MYOM2: variants seen among roughly 807,000 people sequenced by gnomAD.
MYOM2 encodes myomesin 2.
A neutral mutation model predicts 187.6 loss-of-function variants in MYOM2; 254 were observed. That is an observed-to-expected ratio of 1.35 (90% CI 1.22 to 1.50). The LOEUF (loss-of-function observed/expected upper bound fraction) is 1.50. MYOM2 is among the 40% of genes most tolerant of loss of function. The pLI is 0.00. For synonymous variants in MYOM2, 981 were observed against 753.8 expected (o/e 1.30, Z -4.94); for missense variants, 2,796 against 1,924.0 (o/e 1.45, Z -8.48).
chr8:2,138,904 A>T (rs76641101), intron 32 of MYOM2, among the ~76,000 whole-genome samples: 3 of 147,366 alleles, frequency 2.0e-5, no homozygotes, highest in Non-Finnish European at 4.4e-5. Flanking sequence ...CCAGGATCCC[A>T]CTGTGCCTTC....
In MYOM2 at chr8:2,068,709, A is replaced by G. The variant is rs1310634593; in HGVS notation, c.654-569A>G. ...CCACCTTAGAACTCGCATGGGATGG[A>G]CTGCCCCATGGGAACGACTCCCTGT... is the stretch of plus-strand genomic sequence containing the variant. On this transcript the variant is annotated intron_variant, in intron 6 of 36. Transcript: ENST00000262113. Among the ~76,000 whole-genome samples, 4 of 152,194 alleles carry G rather than the reference A, an allele frequency of 2.6e-5. No homozygotes were observed. In the East Asian group the frequency reaches 7.7e-4, roughly 29 times the overall value.
At chr8:2,129,264 C>G in intron 32 of MYOM2, 32 bp downstream of exon 32, 3 of 1,492,772 alleles carry the variant, frequency 2.0e-6, no homozygotes, top group Non-Finnish European at 9.3e-7. Context: ...GGAGGCCATG[C>G]CATAGATGGG....
At chr8:2,140,309 G>T (rs1381065953) in intron 32 of MYOM2, among the ~76,000 whole-genome samples, 1 of 148,940 alleles carries the variant, frequency 6.7e-6, no homozygotes, top group South Asian at 2.2e-4. Context: ...CCTCCCCACC[G>T]GGGCGGTCGT....
chr8:2,091,208 A>T (rs1235042925), intron 15 of MYOM2, among the ~76,000 whole-genome samples: 1 of 151,842 alleles, frequency 6.6e-6, no homozygotes, highest in Non-Finnish European at 1.5e-5. Flanking sequence ...ATGCTTTTTT[A>T]AAAAAATTTT....
intron 21 of MYOM2, among the ~76,000 whole-genome samples, chr8:2,105,572 G>T (rs1018532698): frequency 1.3e-5 from 2 of 152,218 alleles, no homozygotes; most frequent in Admixed American, 1.3e-4. Context: ...GTCAGAGAAG[G>T]AGATTCCAGA....
chr8:2,092,156 C>A (rs1475887862), intron 15 of MYOM2, among the ~76,000 whole-genome samples, 190 bp from the exon 16 acceptor site: 2 of 151,908 alleles, frequency 1.3e-5, no homozygotes, highest in Non-Finnish European at 2.9e-5. Flanking sequence ...ATCAGAGAGA[C>A]CAGCACCTCC....
chr8:2,134,007 C>T (rs879744628), intron 32 of MYOM2, among the ~76,000 whole-genome samples: 5,480 of 129,160 alleles, frequency 0.042, 15 homozygotes, highest in African/African-American at 0.11. Context: ...GAGGTTAACG[C>T]CTTGTGTAGC....
At chr8:2,077,593 C>T (rs1819478056) in intron 11 of MYOM2, among the ~76,000 whole-genome samples, 1 of 152,118 alleles carries the variant, frequency 6.6e-6, no homozygotes, top group South Asian at 2.1e-4. Flanking sequence ...TCCGGGCTTA[C>T]CTTGAATTAA....
At chr8:2,115,050 A>G in intron 25 of MYOM2, among the ~76,000 whole-genome samples, 1 of 97,408 alleles carries the variant, frequency 1.0e-5, no homozygotes, top group South Asian at 2.9e-4. Flanking sequence ...CATTAGAATT[A>G]GAGTTATTTA....
At position 2,077,915 on chromosome 8, in the gene MYOM2, C is replaced by T. The variant is rs959093526; in HGVS notation, c.1263-819C>T. ...TTTGGTTTTGACCTGTTGTTCTCTT[C>T]GGCTAAAACAGCCCATGACATGTGG... On this transcript the variant is annotated intron_variant, in intron 11 of 36. Coordinates refer to ENST00000262113, the MANE Select transcript of MYOM2 (RefSeq NM_003970.4). 1.1e-4 allele frequency among the ~76,000 whole-genome samples: 17 copies of T among 152,274 alleles called. No homozygotes were observed. In the Middle Eastern group the frequency reaches 0.01, roughly 91 times the overall value.
At chr8:2,144,384 C>A (rs1190396282) in intron 36 of MYOM2, among the ~76,000 whole-genome samples, 2 of 152,158 alleles carry the variant, frequency 1.3e-5, no homozygotes, top group African/African-American at 4.8e-5. Flanking sequence ...CTTTCAAATT[C>A]TTTAATTGAC....
intron 3 of MYOM2, among the ~76,000 whole-genome samples, chr8:2,054,595 A>G (rs1818595442): frequency 6.6e-6 from 1 of 152,218 alleles, no homozygotes; most frequent in Non-Finnish European, 1.5e-5. Context: ...GTTATTCTGA[A>G]TCATGGAGGG....
At chr8:2,065,874 C>T (rs1214044174) in intron 6 of MYOM2, among the ~76,000 whole-genome samples, 2 of 152,204 alleles carry the variant, frequency 1.3e-5, no homozygotes, top group East Asian at 1.9e-4. Flanking sequence ...TCTACACTGA[C>T]ACCACAGTTT....
chr8:2,133,819 C>T (rs1162650812), intron 32 of MYOM2, among the ~76,000 whole-genome samples: 1 of 152,144 alleles, frequency 6.6e-6, no homozygotes, highest in Non-Finnish European at 1.5e-5. Flanking sequence ...TACTTCCAGC[C>T]ATTTATTTTA....
rs112731783 is a variant in MYOM2 at position 2,097,073 on chromosome 8, C to T, written c.2313+639C>T. 2.0e-4 allele frequency: 189 copies of T among 967,284 alleles called. No homozygotes were observed. In the African/African-American group the frequency reaches 2.6e-3, roughly 14 times the overall value. The allele number at this position is 967,284 out of a possible 1,614,324, so 59.9% of individuals were successfully genotyped here. On this transcript the variant is annotated intron_variant, in intron 18 of 36. Coordinates refer to ENST00000262113, the MANE Select transcript of MYOM2 (RefSeq NM_003970.4). ...CTCATCTCACACTACAGCTCCCGTCCGGACTGTGGGGAGCCACAGACCTCA... is the reference window on the plus strand; with the variant it reads ...CTCATCTCACACTACAGCTCCCGTCTGGACTGTGGGGAGCCACAGACCTCA...
chr8:2,070,133 C>T (rs535814348), intron 8 of MYOM2, among the ~76,000 whole-genome samples: 1 of 152,174 alleles, frequency 6.6e-6, no homozygotes, highest in Non-Finnish European at 1.5e-5. Context: ...GAGGCGGTCC[C>T]CATGAGGGCA....
intron 25 of MYOM2, among the ~76,000 whole-genome samples, chr8:2,115,261 T>G (rs1454067613): frequency 6.6e-6 from 1 of 151,912 alleles, no homozygotes; most frequent in African/African-American, 2.4e-5. Flanking sequence ...AAAAAGTTAA[T>G]AAGTAAACAT....
At chr8:2,111,998 A>T (rs184182360) in intron 25 of MYOM2, among the ~76,000 whole-genome samples, 1 of 152,344 alleles carries the variant, frequency 6.6e-6, no homozygotes, top group African/African-American at 2.4e-5. Flanking sequence ...AGCAGACTTT[A>T]TTCACACGTA....
chr8:2,070,493 C>T (rs576730102), intron 8 of MYOM2, among the ~76,000 whole-genome samples: 7 of 152,280 alleles, frequency 4.6e-5, no homozygotes, highest in African/African-American at 1.7e-4. Flanking sequence ...GCCTGGGGAG[C>T]CCGGGAGATC....
Sources: allele counts gnomAD v4.1 joint callset (sites outside exome capture counted in the v4.1 genomes callset), GRCh38; gene constraint gnomAD v4.1.1; transcripts MANE v1.5; gene names NCBI Gene and HGNC (gene_info 2026-07-23, HGNC 2026-07-21).